C11orf65: variants seen among roughly 807,000 people sequenced by gnomAD.
The protein encoded by C11orf65 is protein MFI.
C11orf65 carries 38 observed loss-of-function variants against 35.3 expected under a neutral mutation model. The observed-to-expected ratio is 1.08, with a 90% CI of 0.83 to 1.41. The LOEUF is 1.41. C11orf65 is among the 40% of genes most tolerant of loss of function. The probability of loss-of-function intolerance (pLI) is 0.00; values close to 1 mark genes in which losing one functional copy is unlikely to be tolerated. For synonymous variants in C11orf65, 105 were observed against 114.4 expected (o/e 0.92, Z 0.53); for missense variants, 370 against 367.1 (o/e 1.01, Z -0.06).
intron 3 of C11orf65, chr11:108,334,011 T>G: frequency 6.9e-7 from 1 of 1,452,868 alleles, no homozygotes; most frequent in Non-Finnish European, 9.7e-7. Context: ...ACTAAATTTT[T>G]TTTATTAGAT....
intron 6 of C11orf65, among the ~76,000 whole-genome samples, chr11:108,398,829 T>C (rs966671101): frequency 2.6e-5 from 4 of 152,216 alleles, no homozygotes; most frequent in Non-Finnish European, 5.9e-5. Context: ...CGCATTCTGT[T>C]ATGAGAGGTG....
At chr11:108,330,393 G>A (rs764478418), downstream of C11orf65, 1 of 1,614,092 alleles carries the variant, frequency 6.2e-7, no homozygotes, top group East Asian at 2.2e-5. Context: ...GAAAATTCTG[G>A]AGTTTCTGAA....
chr11:108,423,224 C>G (rs772268464), intron 3 of C11orf65, among the ~76,000 whole-genome samples: 18 of 152,100 alleles, frequency 1.2e-4, no homozygotes, highest in African/African-American at 3.9e-4. Context: ...GGAATGCCAG[C>G]GAGACAGACC....
In C11orf65 at chr11:108,321,480, CT is replaced by C. The variant is rs997460250; in HGVS notation, c.641-12410del. The C allele has an allele frequency of 1.9e-6, 3 of 1,611,060 alleles. 1 individual carries two copies. In the South Asian group the frequency reaches 3.3e-5, roughly 18 times the overall value. On this transcript the variant is annotated intron_variant, in intron 6 of 6. Coordinates refer to the C11orf65 transcript ENST00000525729. ...GCAGCTTTTCTGTTACCAATAGTGA[CT>C]TTAAAAAATAAAAACTATAGGCCGG...
intron 1 of C11orf65, among the ~76,000 whole-genome samples, chr11:108,464,860 T>G (rs922395848): frequency 4.0e-5 from 6 of 151,752 alleles, no homozygotes; most frequent in African/African-American, 1.5e-4. Flanking sequence ...ATAACTTCAT[T>G]AAAAAAAACA....
At chr11:108,376,075 A>G (rs1349619400) in intron 2 of C11orf65, among the ~76,000 whole-genome samples, 5 of 152,164 alleles carry the variant, frequency 3.3e-5, no homozygotes, top group Non-Finnish European at 5.9e-5. Context: ...TAGACAGATC[A>G]ACGAGACAAA....
intron 2 of C11orf65, among the ~76,000 whole-genome samples, chr11:108,440,123 T>G (rs1049322627): frequency 6.6e-6 from 1 of 152,198 alleles, no homozygotes; most frequent in Admixed American, 6.5e-5. Context: ...TATGAGCTTC[T>G]TACATTGTTC....
intron 6 of C11orf65, among the ~76,000 whole-genome samples, chr11:108,318,156 G>A (rs936893718): frequency 9.2e-5 from 14 of 152,162 alleles, no homozygotes; most frequent in African/African-American, 3.4e-4. Context: ...GAGCTCAGGA[G>A]TTTGAGACCA....
At chr11:108,317,103 T>TAAA (rs371678767) in intron 6 of C11orf65, among the ~76,000 whole-genome samples, 6 of 149,532 alleles carry the variant, frequency 4.0e-5, no homozygotes, top group Admixed American at 6.7e-5. Context: ...CCAGCTATTT[T>TAAA]AAAAAAAAAA....
chr11:108,445,101 G>C (rs1288711151), intron 2 of C11orf65, among the ~76,000 whole-genome samples: 2 of 152,206 alleles, frequency 1.3e-5, no homozygotes, highest in African/African-American at 4.8e-5. Flanking sequence ...AAACAAAGCA[G>C]CCGGGAAGCT....
chr11:108,354,670 A>C, intron 2 of C11orf65: 1 of 790,576 alleles, frequency 1.3e-6, no homozygotes, highest in Admixed American at 1.9e-5. Flanking sequence ...CACTCTGCCA[A>C]GTATTATGCT....
intron 3 of C11orf65, among the ~76,000 whole-genome samples, chr11:108,424,591 TAGAC>T (rs1335049443): frequency 9.9e-5 from 15 of 152,202 alleles, no homozygotes; most frequent in African/African-American, 3.1e-4. Context: ...CTGTCAACAT[TAGAC>T]AGATCAACGA....
downstream of C11orf65, among the ~76,000 whole-genome samples, chr11:108,328,045 G>A (rs1005712119): frequency 6.6e-6 from 1 of 152,040 alleles, no homozygotes; most frequent in Admixed American, 6.6e-5. Context: ...CTTCATTTAT[G>A]CATCTACAAA....
Position 108,405,585 on chromosome 11 carries a change from C to T in C11orf65, c.430-26G>A, listed in dbSNP as rs368769546. The T allele has an allele frequency of 6.2e-6, 10 of 1,607,768 alleles. No individual in the cohort carries two copies. The African/African-American group carries it at 6.7e-5, about 11-fold the overall frequency. On this transcript the variant is annotated intron_variant, in intron 5 of 8. Coordinates refer to ENST00000393084, the MANE Select transcript of C11orf65 (RefSeq NM_152587.5). ...CTATTGAGAAACAAAAATGAACATA[C>T]AAAATGTTGAAATATCGATTGTGAG...
chr11:108,383,227 C>T, intron 8 of C11orf65, 52 bp from the exon 9 acceptor site: 1 of 1,394,306 alleles, frequency 7.2e-7, no homozygotes, highest in Non-Finnish European at 9.8e-7. Context: ...ATAAGATGCT[C>T]ACTCAAAATG....
chr11:108,445,119 G>C (rs1249693803), intron 2 of C11orf65, among the ~76,000 whole-genome samples: 1 of 152,188 alleles, frequency 6.6e-6, no homozygotes, highest in Admixed American at 6.5e-5. Flanking sequence ...GCTCCAACTG[G>C]ATGGAGCCCA....
rs199586999 is a variant in C11orf65, at chr11:108,315,841, T to C, written c.641-6770A>G. Reference sequence around the variant, plus strand: ...TTTTCAGGATCTTCTCTTAGAAATCTACAGAAGTATAGGGGAGCCAGATAG... The same window carrying C: ...TTTTCAGGATCTTCTCTTAGAAATCCACAGAAGTATAGGGGAGCCAGATAG... On this transcript the variant is annotated intron_variant, in intron 6 of 6. Coordinates refer to the C11orf65 transcript ENST00000525729. 2.3e-5 allele frequency: 37 copies of C among 1,612,340 alleles called. No homozygotes were observed. Among genetic ancestry groups the C allele is most frequent in the Non-Finnish European group, 2.8e-5 (33 of 1,178,492 alleles).
chr11:108,428,732 A>C (rs186733488), intron 3 of C11orf65, among the ~76,000 whole-genome samples: 2 of 152,336 alleles, frequency 1.3e-5, no homozygotes, highest in Admixed American at 1.3e-4. Flanking sequence ...TGATGGGTGC[A>C]GCAAATCACC....
intron 2 of C11orf65, among the ~76,000 whole-genome samples, chr11:108,438,091 T>C (rs1040318708): frequency 3.3e-5 from 5 of 152,206 alleles, no homozygotes; most frequent in South Asian, 2.1e-4. Flanking sequence ...AGCCTCCAAA[T>C]AGACTCATAT....
Sources: allele counts gnomAD v4.1 joint callset (sites outside exome capture counted in the v4.1 genomes callset), GRCh38; gene constraint gnomAD v4.1.1; transcripts MANE v1.5; gene names NCBI Gene and HGNC (gene_info 2026-07-23, HGNC 2026-07-21).